PLD5: variants seen among roughly 807,000 people sequenced by gnomAD.
PLD5 encodes phospholipase D family member 5.
In PLD5, 36 loss-of-function variants were observed where a neutral mutation model predicts 61.1. The observed-to-expected ratio is 0.59, with a 90% CI of 0.45 to 0.78. The LOEUF (loss-of-function observed/expected upper bound fraction) is 0.78, where lower values mean the gene tolerates loss of function less well. Ranked by LOEUF, PLD5 falls within the 30% of genes least tolerant of loss-of-function variation. PLD5 has a pLI of 0.00. For missense variants in PLD5, 515 were observed against 644.4 expected (o/e 0.80, Z 2.17); for synonymous variants, 243 against 242.8 (o/e 1.00, Z -0.01).
chr1:242,425,939 G>A (rs186311291), intron 1 of PLD5, among the ~76,000 whole-genome samples: 22 of 151,974 alleles, frequency 1.4e-4, no homozygotes, highest in African/African-American at 3.9e-4. Context: ...CACTGCACCC[G>A]GCCAGCTTAC....
At chr1:242,420,892 T>C (rs12071977) in intron 1 of PLD5, among the ~76,000 whole-genome samples, 67,426 of 151,920 alleles carry the variant, frequency 0.44, 16,551 homozygotes, top group African/African-American at 0.66. Context: ...TTTTAAAAAG[T>C]GGTTGGCCGG....
At position 242,256,079 on chromosome 1, in the gene PLD5, C is replaced by T. The variant is rs1672995774; in HGVS notation, c.607+9258G>A. On this transcript the variant is annotated intron_variant, in intron 4 of 9. Coordinates refer to ENST00000536534, the MANE Select transcript of PLD5 (RefSeq NM_001372062.1). This position sits in a 1 kb window ranked among gnomAD's most constrained non-coding sequence, Gnocchi z 5.7. ...GGTAAGGCTCTGTCTAATTGGCTCA[C>T]TTACTTGCTATATAGTGCTAATGAG... is the stretch of plus-strand genomic sequence containing the variant. Among the ~76,000 whole-genome samples the T allele has an allele frequency of 1.3e-5, 2 of 152,100 alleles. No homozygotes were observed. The highest frequency in any genetic ancestry group is 4.1e-4 in the South Asian group (2 of 4,832).
chr1:242,129,746 G>GA (rs1367717430), intron 5 of PLD5, among the ~76,000 whole-genome samples: 1 of 152,126 alleles, frequency 6.6e-6, no homozygotes, highest in Non-Finnish European at 1.5e-5. Flanking sequence ...TCATCACCTG[G>GA]ATAGTATACA....
At position 242,499,944 on chromosome 1, in the gene PLD5, C is replaced by T. The variant is rs566144440; in HGVS notation, c.189+24144G>A. On this transcript the variant is annotated intron_variant, in intron 1 of 9. Coordinates refer to ENST00000536534, the MANE Select transcript of PLD5 (RefSeq NM_001372062.1). ...CAGAACCTTGGCTGGAATGACCAAA[C>T]GGGGGCTCAACTGGGATGGCTGACC... is the stretch of plus-strand genomic sequence containing the variant. 1.8e-4 allele frequency among the ~76,000 whole-genome samples: 27 copies of T among 152,258 alleles called. 1 individual carries two copies. In the South Asian group the frequency reaches 3.5e-3, roughly 20 times the overall value.
intron 5 of PLD5, among the ~76,000 whole-genome samples, chr1:242,215,097 C>T (rs1380270215): frequency 6.7e-6 from 1 of 148,156 alleles, no homozygotes; most frequent in Non-Finnish European, 1.5e-5. Flanking sequence ...ACCGTGTTAA[C>T]CAGAATGGTC....
At position 242,522,471 on chromosome 1, in the gene PLD5, C is replaced by T. The variant is rs76250828; in HGVS notation, c.189+1617G>A. On this transcript the variant is annotated intron_variant, in intron 1 of 9. Coordinates refer to ENST00000536534, the MANE Select transcript of PLD5 (RefSeq NM_001372062.1). ...TGCGTGCACCGCTCATGACTCAAGA[C>T]ATAGTCATAGAAGGCTGCACCACTG... Among the ~76,000 whole-genome samples, 902 of 152,290 alleles carry T rather than the reference C, an allele frequency of 5.9e-3. 12 individuals are homozygous for T. Among genetic ancestry groups the T allele is most frequent in the African/African-American group, 0.02 (846 of 41,558 alleles).
intron 5 of PLD5, among the ~76,000 whole-genome samples, chr1:242,181,226 CA>C (rs2148901603): frequency 6.6e-6 from 1 of 152,250 alleles, no homozygotes; most frequent in South Asian, 2.1e-4. Context: ...AACAAGCTCT[CA>C]AATGATGCCA....
At chr1:242,497,099 A>G (rs1361879402) in intron 1 of PLD5, among the ~76,000 whole-genome samples, 4 of 152,168 alleles carry the variant, frequency 2.6e-5, no homozygotes, top group African/African-American at 4.8e-5. Flanking sequence ...CTTAACTTTC[A>G]TGTAAGGGAG....
intron 2 of PLD5, among the ~76,000 whole-genome samples, chr1:242,328,303 CATATATATGTTCTACATAT>C (rs1199395604): frequency 4.0e-3 from 53 of 13,264 alleles, no homozygotes; most frequent in Admixed American, 4.3e-3. Context: ...GTATGTTCTA[CATATATATGTTCTACATAT>C]ATGTGTTTTA....
intron 3 of PLD5, among the ~76,000 whole-genome samples, chr1:242,273,474 A>G (rs1256935360): frequency 2.0e-5 from 3 of 152,184 alleles, no homozygotes; most frequent in African/African-American, 7.2e-5. Context: ...ATATTATATT[A>G]CAAATAAAAA....
At chr1:242,096,497 G>A (rs1359147425) in intron 9 of PLD5, among the ~76,000 whole-genome samples, 5 of 151,372 alleles carry the variant, frequency 3.3e-5, no homozygotes, top group Admixed American at 1.3e-4. Context: ...ATATGCCACC[G>A]TACCCAGCTA....
At chr1:242,358,735 G>A (rs1487227079) in intron 1 of PLD5, among the ~76,000 whole-genome samples, 2 of 152,178 alleles carry the variant, frequency 1.3e-5, no homozygotes, top group East Asian at 3.9e-4. Context: ...TGGACCAAAC[G>A]CTATACTCAG....
chr1:242,114,203 A>T (rs952133256), intron 6 of PLD5, among the ~76,000 whole-genome samples, 177 bp from the exon 7 acceptor site: 2 of 152,238 alleles, frequency 1.3e-5, no homozygotes, highest in Non-Finnish European at 2.9e-5. Context: ...TAAAGATCAA[A>T]GTGTGGTAGG....
chr1:242,129,326 G>C (rs1474278942), intron 5 of PLD5, among the ~76,000 whole-genome samples: 1 of 152,128 alleles, frequency 6.6e-6, no homozygotes, highest in African/African-American at 2.4e-5. Context: ...CTGCCCTCTA[G>C]AGATGTAAAG....
chr1:242,343,911 G>A (rs1659984103), intron 2 of PLD5, among the ~76,000 whole-genome samples: 2 of 152,166 alleles, frequency 1.3e-5, no homozygotes, highest in Middle Eastern at 3.4e-3. Flanking sequence ...GTTCAGGGAG[G>A]TAAGAGACTG....
At chr1:242,471,921 T>C (rs1370870870) in intron 1 of PLD5, among the ~76,000 whole-genome samples, 1 of 152,202 alleles carries the variant, frequency 6.6e-6, no homozygotes, top group Non-Finnish European at 1.5e-5. Context: ...TTTAATTAAG[T>C]CAGTGAAGTG....
At chr1:242,151,032 C>T (rs1260261393) in intron 5 of PLD5, among the ~76,000 whole-genome samples, 4 of 151,478 alleles carry the variant, frequency 2.6e-5, no homozygotes, top group Admixed American at 2.0e-4. Flanking sequence ...AATCAGAGTC[C>T]CTTCAAATAA....
intron 1 of PLD5, among the ~76,000 whole-genome samples, chr1:242,523,127 G>C (rs1669331535): frequency 6.6e-6 from 1 of 152,094 alleles, no homozygotes; most frequent in Non-Finnish European, 1.5e-5. Flanking sequence ...TTTTATCATT[G>C]TTGGCGTCCT....
intron 1 of PLD5, among the ~76,000 whole-genome samples, chr1:242,423,774 A>G (rs1665271755): frequency 6.6e-6 from 1 of 152,176 alleles, no homozygotes; most frequent in South Asian, 2.1e-4. Flanking sequence ...CGAGAAGGTC[A>G]TGGTCATATT....
Sources: gnomAD v4.1 joint callset for allele counts (sites outside exome capture counted in the v4.1 genomes callset) on GRCh38, gnomAD v4.1.1 for gene constraint, Gnocchi (gnomAD v3.1) non-coding constraint, MANE v1.5 for transcripts, NCBI Gene and HGNC (gene_info 2026-07-23, HGNC 2026-07-21) for gene names.